Variants in OR9Q1 observed in about 807,000 individuals in gnomAD.
OR9Q1 encodes the protein olfactory receptor 9Q1.
For missense variants in OR9Q1, 374 were observed against 378.8 expected (o/e 0.99, Z 0.11); for synonymous variants, 153 against 148.6 (o/e 1.03, Z -0.22).
At chr11:58,110,596 T>C (rs1853889841) in intron 2 of OR9Q1, among the ~76,000 whole-genome samples, 1 of 152,170 alleles carries the variant, frequency 6.6e-6, no homozygotes, top group Admixed American at 6.5e-5. Context: ...AGGTGACTTG[T>C]CAAAGAATAA....
chr11:58,039,900 A>T (rs1345407162), intron 1 of OR9Q1, among the ~76,000 whole-genome samples: 1 of 152,154 alleles, frequency 6.6e-6, no homozygotes, highest in Non-Finnish European at 1.5e-5. Context: ...GATTTTATTG[A>T]TTTATTTAAC....
intron 1 of OR9Q1, among the ~76,000 whole-genome samples, chr11:58,039,788 C>T (rs757477846): frequency 2.0e-5 from 3 of 152,170 alleles, no homozygotes; most frequent in Non-Finnish European, 2.9e-5. Context: ...TATAGTTTAG[C>T]CTCTCTGAAG....
Position 58,127,052 on chromosome 11 carries a change from C to T in OR9Q1, c.-14-52379C>T, listed in dbSNP as rs569130839. On this transcript the variant is annotated intron_variant, in intron 2 of 2. Coordinates refer to ENST00000335397, the MANE Select transcript of OR9Q1 (RefSeq NM_001005212.4). Reference sequence around the variant, plus strand: ...TGCAACTCCACTTCCCGGGTTCAAGCGATTCTCTCACCTCTGCCTCCCTAG... The same window carrying T: ...TGCAACTCCACTTCCCGGGTTCAAGTGATTCTCTCACCTCTGCCTCCCTAG... Among the ~76,000 whole-genome samples, 4 of 152,280 alleles carry T rather than the reference C, an allele frequency of 2.6e-5. No homozygotes were observed. In the South Asian group the frequency reaches 6.2e-4, roughly 24 times the overall value.
chr11:58,116,107 G>C (rs1204829541), intron 2 of OR9Q1, among the ~76,000 whole-genome samples: 1 of 152,164 alleles, frequency 6.6e-6, no homozygotes, highest in Non-Finnish European at 1.5e-5. Context: ...AGGGCCCATA[G>C]GGTGGATTAA....
rs1854254864 is a variant in OR9Q1 at position 58,142,025 on chromosome 11, TTGTGGCCAAATGA to T, written c.-14-37402_-14-37390del. Reference sequence around the variant, plus strand: ...AATTTATGTCTTTATTTTCTATTAGTTGTGGCCAAATGATGTATGCAAGTACATATGTACAGTT... The same window carrying T: ...AATTTATGTCTTTATTTTCTATTAGTTGTATGCAAGTACATATGTACAGTT... On this transcript the variant is annotated intron_variant, in intron 2 of 2. Transcript: ENST00000335397. Among the ~76,000 whole-genome samples, 5 of 152,288 alleles carry T rather than the reference TTGTGGCCAAATGA, an allele frequency of 3.3e-5. No homozygotes were observed. In the South Asian group the frequency reaches 1.0e-3, roughly 32 times the overall value.
At chr11:58,138,081 G>A (rs1179293482) in intron 2 of OR9Q1, among the ~76,000 whole-genome samples, 2 of 152,136 alleles carry the variant, frequency 1.3e-5, no homozygotes, top group Non-Finnish European at 1.5e-5. Flanking sequence ...TCCAGGTGCT[G>A]TTTCCAGCCT....
intron 2 of OR9Q1, among the ~76,000 whole-genome samples, chr11:58,092,200 G>T (rs1853690966): frequency 6.6e-6 from 1 of 152,028 alleles, no homozygotes; most frequent in South Asian, 2.1e-4. Flanking sequence ...ATGCTAGCTG[G>T]TTATTTTGCA....
intron 1 of OR9Q1, chr11:58,041,213 T>TG (rs1853158580): frequency 6.5e-6 from 1 of 152,722 alleles, no homozygotes; most frequent in Non-Finnish European, 1.5e-5. Context: ...CAAGGCTGCC[T>TG]GGGTCAGGGA....
intron 2 of OR9Q1, chr11:58,118,732 A>G (rs1376220485): frequency 6.2e-7 from 1 of 1,614,086 alleles, no homozygotes; most frequent in Non-Finnish European, 8.5e-7. Context: ...ACATGTGGAG[A>G]AAGTCTTGGC....
intron 1 of OR9Q1, among the ~76,000 whole-genome samples, chr11:58,029,675 T>G (rs1853011033): frequency 6.6e-6 from 1 of 152,192 alleles, no homozygotes; most frequent in Non-Finnish European, 1.5e-5. Context: ...ATATTTCAAG[T>G]TGATATTGGA....
intron 2 of OR9Q1, among the ~76,000 whole-genome samples, chr11:58,165,222 T>C (rs1854489904): frequency 6.6e-6 from 1 of 152,118 alleles, no homozygotes; most frequent in Admixed American, 6.5e-5. Context: ...GACAAGTGAG[T>C]GAATGTACTC....
chr11:58,094,329 T>C (rs1008238783), intron 2 of OR9Q1, among the ~76,000 whole-genome samples: 7 of 152,180 alleles, frequency 4.6e-5, no homozygotes, highest in African/African-American at 1.7e-4. Flanking sequence ...GATTGAAAAT[T>C]ACTTAGTACA....
At chr11:58,107,488 C>T (rs553215576) in intron 2 of OR9Q1, among the ~76,000 whole-genome samples, 1 of 152,318 alleles carries the variant, frequency 6.6e-6, no homozygotes, top group African/African-American at 2.4e-5. Flanking sequence ...ATATGTGCCA[C>T]ATTTTCTTAA....
intron 1 of OR9Q1, chr11:58,031,439 C>A (rs1853036252): frequency 3.1e-6 from 5 of 1,614,036 alleles, no homozygotes; most frequent in Non-Finnish European, 4.2e-6. Context: ...ACCCATCTTG[C>A]CAATCTACCT....
At chr11:58,039,466 A>G (rs1590549329) in intron 1 of OR9Q1, among the ~76,000 whole-genome samples, 1 of 152,210 alleles carries the variant, frequency 6.6e-6, no homozygotes, top group East Asian at 1.9e-4. Flanking sequence ...ATTTTGTGTA[A>G]CGAGAGTAAA....
intron 1 of OR9Q1, among the ~76,000 whole-genome samples, chr11:58,037,238 G>A (rs1853108582): frequency 6.6e-6 from 1 of 152,044 alleles, no homozygotes; most frequent in Non-Finnish European, 1.5e-5. Context: ...TAAAATTAAG[G>A]TATGTACATT....
At chr11:58,171,427 G>A (rs763058472) in intron 2 of OR9Q1, 6 of 152,278 alleles carry the variant, frequency 3.9e-5, no homozygotes, top group African/African-American at 7.2e-5. Flanking sequence ...TTTTGATCCT[G>A]TTCTCTGACT....
intron 1 of OR9Q1, among the ~76,000 whole-genome samples, chr11:58,033,414 T>C (rs1853063508): frequency 6.6e-6 from 1 of 152,198 alleles, no homozygotes; most frequent in African/African-American, 2.4e-5. Context: ...CATGGAATAC[T>C]ATGCAGACAT....
intron 2 of OR9Q1, among the ~76,000 whole-genome samples, chr11:58,065,937 C>T (rs1220723461): frequency 1.3e-5 from 2 of 152,162 alleles, no homozygotes; most frequent in African/African-American, 2.4e-5. Flanking sequence ...CTCACTGTGG[C>T]TTCCACCAAC....
Sources: allele counts gnomAD v4.1 joint callset (sites outside exome capture counted in the v4.1 genomes callset), GRCh38; gene constraint gnomAD v4.1.1; transcripts MANE v1.5; gene names NCBI Gene and HGNC (gene_info 2026-07-23, HGNC 2026-07-21).